Variants in MADCAM1 observed in about 807,000 individuals in gnomAD.
MADCAM1 encodes mucosal addressin cell adhesion molecule 1.
MADCAM1 carries 19 observed loss-of-function variants against 26.1 expected under a neutral mutation model. The observed-to-expected ratio is 0.73, with a 90% CI of 0.51 to 1.07. MADCAM1 has a LOEUF of 1.07. Ranked by LOEUF, MADCAM1 falls within the 50% of genes least tolerant of loss-of-function variation. MADCAM1 has a pLI of 0.00. For synonymous variants in MADCAM1, 268 were observed against 260.9 expected (o/e 1.03, Z -0.26); for missense variants, 514 against 542.1 (o/e 0.95, Z 0.51).
rs149602009 is a variant in MADCAM1, at chr19:501,005, A to G, written c.668-664A>G. Among the ~76,000 whole-genome samples, 112 of 151,996 alleles carry G rather than the reference A, an allele frequency of 7.4e-4. 1 individual carries two copies. In the East Asian group the frequency reaches 0.012, roughly 17 times the overall value. On this transcript the variant is annotated intron_variant, in intron 3 of 4. Transcript: ENST00000215637. ...AGTTCCAGACCAGCTTGGGCAACAT[A>G]CGAGACCTCCCATCTCTACAAAAAA...
At chr19:498,239 C>T (rs571404345) in intron 2 of MADCAM1, 122 bp downstream of exon 2, 2 of 1,065,880 alleles carry the variant, frequency 1.9e-6, no homozygotes, top group East Asian at 3.2e-5. Flanking sequence ...CACAGCTCCC[C>T]GAAGCCAGGT....
chr19:503,396 A>G (rs900651280), intron 4 of MADCAM1, among the ~76,000 whole-genome samples: 3 of 151,246 alleles, frequency 2.0e-5, no homozygotes, highest in Non-Finnish European at 2.9e-5. Flanking sequence ...CCTGGCTAAC[A>G]CGGTGAAACC....
chr19:503,352 C>T (rs371621643), intron 4 of MADCAM1, among the ~76,000 whole-genome samples: 59 of 149,946 alleles, frequency 3.9e-4, no homozygotes, highest in South Asian at 1.5e-3. Flanking sequence ...GAGGCCAAGG[C>T]GGGCGGATCA....
chr19:503,846 G>A (rs886156471), intron 4 of MADCAM1, among the ~76,000 whole-genome samples: 1 of 152,094 alleles, frequency 6.6e-6, no homozygotes, highest in African/African-American at 2.4e-5. Flanking sequence ...TCAGGAGTTC[G>A]AGACCAGCCT....
In MADCAM1 at chr19:504,770, G is replaced by A; in HGVS notation, c.954G>A (p.Leu318=). The part of the protein sequence containing the change: ...TGSSKPAGDQ[L]PAALWTSSAV... ...CGTCCAAACCTGCGGGTGACCAGCT[G>A]CCCGCGGCTCTGTGGACCAGCAGTG... Residue 318 remains leucine, a synonymous_variant, in exon 5 of 5, where the codon CTG becomes CTA. Transcript: ENST00000215637. 2 of 1,607,320 alleles carry A rather than the reference G, an allele frequency of 1.2e-6. No individual in the cohort carries two copies. The highest frequency in any genetic ancestry group is 1.7e-6 in the Non-Finnish European group (2 of 1,175,278).
At position 498,125 on chromosome 19, in the gene MADCAM1, G is replaced by T; in HGVS notation, c.337+8G>T. ...TGCAGCTCCTTGTGTACGGTGAGGC[G>T]TCCCCCCGCGCCCTGCCTCTCTGAC... On this transcript the variant is annotated splice_region_variant and intron_variant, in intron 2 of 4. Transcript: ENST00000215637. 7.6e-7 allele frequency: 1 copy of T among 1,316,284 alleles called. No homozygotes were observed. Among genetic ancestry groups the T allele is most frequent in the Non-Finnish European group, 9.7e-7 (1 of 1,032,890 alleles). 81.5% of individuals were successfully genotyped at this position (1,316,284 alleles called of 1,614,324 possible). A position where few individuals can be genotyped will look rare whatever the true frequency, so the allele number is the denominator to read the frequency against.
At chr19:503,412 T>C (rs1194251388) in intron 4 of MADCAM1, among the ~76,000 whole-genome samples, 3 of 150,484 alleles carry the variant, frequency 2.0e-5, no homozygotes. Context: ...AAACCCCGTC[T>C]CCACTAAAAA....
chr19:500,818 C>T (rs536015186), intron 3 of MADCAM1, among the ~76,000 whole-genome samples: 179 of 151,654 alleles, frequency 1.2e-3, no homozygotes, highest in African/African-American at 4.1e-3. Context: ...TGCAGTGAGC[C>T]GAGATCGCAC....
intron 4 of MADCAM1, among the ~76,000 whole-genome samples, chr19:503,461 G>A (rs1177001171): frequency 1.4e-5 from 2 of 145,848 alleles, no homozygotes; most frequent in African/African-American, 5.1e-5. Flanking sequence ...GGCGCCTGTA[G>A]TCCCAGCTAC....
In MADCAM1 at chr19:505,014, A is replaced by G; in HGVS notation, c.*49A>G. On this transcript the variant is annotated 3_prime_UTR_variant, in exon 5 of 5. Transcript: ENST00000215637. ...AAGCAAAATAGCTTGGACCCCTTCA[A>G]GTTGAGAACTGGTCAGGGCAAACCT... The G allele has an allele frequency of 7.1e-7, 1 of 1,415,456 alleles. No individual in the cohort carries two copies. Among genetic ancestry groups the G allele is most frequent in the Admixed American group, 2.2e-5 (1 of 46,260 alleles). The allele number at this position is 1,415,456 out of a possible 1,614,324, so 87.7% of individuals were successfully genotyped here.
chr19:504,139 A>T (rs1222324418), intron 4 of MADCAM1, among the ~76,000 whole-genome samples: 1 of 152,084 alleles, frequency 6.6e-6, no homozygotes, highest in East Asian at 1.9e-4. Context: ...ATCAATATAA[A>T]ATAGTATGAA....
chr19:499,566 G>A (rs540098828), intron 3 of MADCAM1, among the ~76,000 whole-genome samples: 20 of 152,184 alleles, frequency 1.3e-4, no homozygotes, highest in Non-Finnish European at 2.6e-4. Flanking sequence ...ACACGCACAC[G>A]CGTGTGAGCC....
chr19:503,433 T>G (rs983412352), intron 4 of MADCAM1, among the ~76,000 whole-genome samples: 9 of 146,602 alleles, frequency 6.1e-5, no homozygotes, highest in South Asian at 2.2e-4. Flanking sequence ...TACAAAAAAT[T>G]AGCCGGGCGT....
intron 4 of MADCAM1, 33 bp from the exon 5 acceptor site, chr19:504,712 C>T (rs370718340): frequency 5.2e-5 from 80 of 1,528,244 alleles, no homozygotes; most frequent in Admixed American, 1.0e-4. Flanking sequence ...GCCTGGAGGG[C>T]TCTGACCGGG....
intron 3 of MADCAM1, among the ~76,000 whole-genome samples, chr19:500,460 G>A (rs76594120): frequency 0.021 from 3,273 of 152,296 alleles, 100 homozygotes; most frequent in South Asian, 0.13. Context: ...GCTTTAGGCC[G>A]GGCTCACGCC....
intron 4 of MADCAM1, among the ~76,000 whole-genome samples, chr19:503,714 T>C (rs1978473613): frequency 6.6e-6 from 1 of 151,180 alleles, no homozygotes; most frequent in African/African-American, 2.4e-5. Flanking sequence ...TGCAGTGAGC[T>C]GAGATCACAC....
At position 503,392 on chromosome 19, in the gene MADCAM1, T is replaced by C. The variant is rs543303203; in HGVS notation, c.929-1353T>C. Among the ~76,000 whole-genome samples, 218 of 150,328 alleles carry C rather than the reference T, an allele frequency of 1.5e-3. 1 individual carries two copies. The highest frequency in any genetic ancestry group is 0.014 in the Middle Eastern group (4 of 284). On this transcript the variant is annotated intron_variant, in intron 4 of 4. Transcript: ENST00000215637. ...GTCAGGAGATCGAGACCATCCTGGC[T>C]AACACGGTGAAACCCCGTCTCCACT... is the stretch of plus-strand genomic sequence containing the variant.
intron 3 of MADCAM1, among the ~76,000 whole-genome samples, chr19:500,641 T>C (rs1028949754): frequency 6.6e-6 from 1 of 151,990 alleles, no homozygotes; most frequent in African/African-American, 2.4e-5. Context: ...GAAGCTGAGG[T>C]GGGTGGATCA....
intron 3 of MADCAM1, chr19:500,207 T>C (rs1315360464): frequency 2.2e-6 from 1 of 456,228 alleles, no homozygotes; most frequent in South Asian, 1.5e-5. Context: ...ACCCACTCGC[T>C]CTCAGGGCAG....
Sources: allele counts gnomAD v4.1 joint callset (sites outside exome capture counted in the v4.1 genomes callset), GRCh38; gene constraint gnomAD v4.1.1; transcripts MANE v1.5; gene names NCBI Gene and HGNC (gene_info 2026-07-23, HGNC 2026-07-21).